Variants in ASAP1 observed in about 807,000 individuals in gnomAD.
ASAP1 encodes the protein arf-GAP with SH3 domain, ANK repeat and PH domain-containing protein 1.
ASAP1 carries 43 observed loss-of-function variants against 145.2 expected under a neutral mutation model. That is an observed-to-expected ratio of 0.30 (90% CI 0.23 to 0.38). The LOEUF (loss-of-function observed/expected upper bound fraction) is 0.38, where lower values mean the gene tolerates loss of function less well. Ranked by LOEUF, ASAP1 falls within the 10% of genes least tolerant of loss-of-function variation. The pLI is 1.00. For synonymous variants in ASAP1, 546 were observed against 515.5 expected (o/e 1.06, Z -0.80); for missense variants, 1,018 against 1,355.3 (o/e 0.75, Z 3.91).
intron 1 of ASAP1, among the ~76,000 whole-genome samples, chr8:130,413,919 T>C (rs1829368531): frequency 6.6e-6 from 1 of 152,084 alleles, no homozygotes; most frequent in South Asian, 2.1e-4. Context: ...CATTCATTCA[T>C]TTATGTAACA....
intron 3 of ASAP1, among the ~76,000 whole-genome samples, chr8:130,335,802 C>G (rs1242377605): frequency 6.6e-6 from 1 of 152,086 alleles, no homozygotes; most frequent in African/African-American, 2.4e-5. Flanking sequence ...CCTGTGAACA[C>G]AACAGGAGTA....
intron 3 of ASAP1, among the ~76,000 whole-genome samples, chr8:130,272,287 A>C (rs79241369): frequency 0.017 from 2,582 of 152,322 alleles, 38 homozygotes; most frequent in East Asian, 0.057. Flanking sequence ...ATAATGACAT[A>C]TCATCTTATC....
At chr8:130,350,188 A>G (rs892195994) in intron 3 of ASAP1, among the ~76,000 whole-genome samples, 9 of 152,186 alleles carry the variant, frequency 5.9e-5, no homozygotes, top group African/African-American at 1.9e-4. Flanking sequence ...TTCCAAACTT[A>G]AGGTTTACTC....
chr8:130,272,885 C>T (rs528317699), intron 3 of ASAP1, among the ~76,000 whole-genome samples: 3 of 152,118 alleles, frequency 2.0e-5, no homozygotes, highest in East Asian at 1.9e-4. Flanking sequence ...GGCTGGTTAA[C>T]GAGTACAAAC....
intron 4 of ASAP1, among the ~76,000 whole-genome samples, chr8:130,235,310 A>G: frequency 6.6e-6 from 1 of 152,234 alleles, no homozygotes; most frequent in Middle Eastern, 3.4e-3. Flanking sequence ...ATATATTTTT[A>G]TTGGTATATA....
At chr8:130,072,793 A>ATGTGTGTGTGTGTGTGTGTGTGTGTG (rs1206526066) in intron 27 of ASAP1, among the ~76,000 whole-genome samples, 13 of 102,642 alleles carry the variant, frequency 1.3e-4, no homozygotes, top group South Asian at 4.0e-4. Context: ...TGCAATTGAT[A>ATGTGTGTGTGTGTGTGTGTGTGTGTG]TGTGTGTGTG....
chr8:130,341,856 G>C (rs1050412526), intron 3 of ASAP1, among the ~76,000 whole-genome samples: 4 of 152,182 alleles, frequency 2.6e-5, no homozygotes, highest in African/African-American at 9.7e-5. Flanking sequence ...TAAAAGAGCA[G>C]CAAGAAACGA....
chr8:130,160,688 T>C, intron 11 of ASAP1: 1 of 806,878 alleles, frequency 1.2e-6, no homozygotes, highest in Non-Finnish European at 1.7e-6. Flanking sequence ...TACGAAAATG[T>C]AAGAAATAAA....
At chr8:130,224,127 T>C (rs1817454121) in intron 4 of ASAP1, among the ~76,000 whole-genome samples, 1 of 152,138 alleles carries the variant, frequency 6.6e-6, no homozygotes, top group Non-Finnish European at 1.5e-5. Context: ...GCCTGGCACA[T>C]AGTGAATGCT....
At chr8:130,149,280 C>T (rs1467343174) in intron 13 of ASAP1, among the ~76,000 whole-genome samples, 4 of 149,582 alleles carry the variant, frequency 2.7e-5, no homozygotes, top group Non-Finnish European at 5.9e-5. Flanking sequence ...AATATTACTA[C>T]TGTTATAGCA....
chr8:130,405,671 G>A (rs1586986480), intron 1 of ASAP1, among the ~76,000 whole-genome samples: 1 of 152,206 alleles, frequency 6.6e-6, no homozygotes, highest in East Asian at 1.9e-4. Flanking sequence ...GAGATGAAGT[G>A]TGAAAGAGCT....
At position 130,074,486 on chromosome 8, in the gene ASAP1, C is replaced by CACACAGAG. The variant is rs5895034; in HGVS notation, c.2701+1861_2701+1862insCTCTGTGT. On this transcript the variant is annotated intron_variant, in intron 27 of 29. Transcript: ENST00000518721. ...ACACACACACACACACACACACACA[C>CACACAGAG]AGAGAGAACGAGAGTAGAGCAACGG... is the stretch of plus-strand genomic sequence containing the variant. 1.0e-3 allele frequency among the ~76,000 whole-genome samples: 143 copies of CACACAGAG among 140,580 alleles called. 1 individual carries two copies. Among genetic ancestry groups the CACACAGAG allele is most frequent in the Middle Eastern group, 7.5e-3 (2 of 266 alleles). The allele number at this position is 140,580 out of a possible 152,430, so 92.2% of individuals were successfully genotyped here.
At chr8:130,302,122 CTGCA>C (rs1448756032) in intron 3 of ASAP1, among the ~76,000 whole-genome samples, 1 of 152,224 alleles carries the variant, frequency 6.6e-6, no homozygotes, top group Non-Finnish European at 1.5e-5. Context: ...GGTATAATAT[CTGCA>C]TGCATGCAAA....
chr8:130,400,559 G>A (rs187848495), intron 2 of ASAP1, among the ~76,000 whole-genome samples: 5,218 of 151,874 alleles, frequency 0.034, 126 homozygotes, highest in Middle Eastern at 0.075. Context: ...AGGCCGAGGC[G>A]GGCAGATCAC....
Position 130,115,702 on chromosome 8 carries a change from G to C in ASAP1, c.2098C>G (p.His700Asp). 6.2e-7 allele frequency: 1 copy of C among 1,614,150 alleles called. No homozygotes were observed. Among genetic ancestry groups the C allele is most frequent in the South Asian group, 1.1e-5 (1 of 91,088 alleles). ...SQAKSGKFNP[H>D]VHVEYEWNLR... ...TTCCACTCATATTCTACGTGGACGT[G>C]TGGATTGAACTTTCCAGATTTAGCC... is the stretch of plus-strand genomic sequence containing the variant. Residue 700 changes from histidine (H) to aspartate (D), a missense_variant, in exon 23 of 30, where the codon CAC becomes GAC. Transcript: ENST00000518721.
At chr8:130,071,253 T>A (rs2097445912) in intron 27 of ASAP1, among the ~76,000 whole-genome samples, 1 of 152,112 alleles carries the variant, frequency 6.6e-6, no homozygotes, top group African/African-American at 2.4e-5. Context: ...ATTATAGGTA[T>A]GAGCCACTGC....
chr8:130,430,814 G>T (rs1830110232), intron 1 of ASAP1, among the ~76,000 whole-genome samples: 1 of 152,226 alleles, frequency 6.6e-6, no homozygotes, highest in Admixed American at 6.5e-5. Context: ...CAGGCGTGAA[G>T]GGAGTCTTCT....
At chr8:130,116,611 G>C (rs1172136262) in intron 22 of ASAP1, 67 bp downstream of exon 22, 1 of 1,364,870 alleles carries the variant, frequency 7.3e-7, no homozygotes, top group Non-Finnish European at 1.0e-6. Flanking sequence ...TTCAATTCTA[G>C]CTTCTCAGAA....
intron 5 of ASAP1, among the ~76,000 whole-genome samples, chr8:130,205,382 GA>G (rs771590453): frequency 0.021 from 1,197 of 57,048 alleles, 10 homozygotes; most frequent in African/African-American, 0.03. Flanking sequence ...ATCCTTATAA[GA>G]AAAAAAAAAA....
Sources: gnomAD v4.1 joint callset for allele counts (sites outside exome capture counted in the v4.1 genomes callset) on GRCh38, gnomAD v4.1.1 for gene constraint, MANE v1.5 for transcripts, NCBI Gene and HGNC (gene_info 2026-07-23, HGNC 2026-07-21) for gene names.